Variants in GCSAM observed in about 807,000 individuals in gnomAD.
GCSAM encodes germinal center-associated signaling and motility protein.
Under a neutral mutation model 17.6 loss-of-function variants are expected in GCSAM, and 8 were observed. The observed-to-expected ratio is 0.46, with a 90% CI of 0.27 to 0.82. GCSAM has a LOEUF of 0.82. Among genes scored for constraint, GCSAM ranks in the 40% least tolerant of loss-of-function variants. GCSAM has a pLI of 0.15. For synonymous variants in GCSAM, 68 were observed against 69.0 expected (o/e 0.98, Z 0.07); for missense variants, 192 against 213.5 (o/e 0.90, Z 0.63).
chr3:112,125,879 A>G (rs1431129868), intron 4 of GCSAM, among the ~76,000 whole-genome samples: 2 of 152,240 alleles, frequency 1.3e-5, no homozygotes, highest in African/African-American at 4.8e-5. Context: ...AGTTAAAACC[A>G]AATGGCTCTG....
At chr3:112,130,167 G>A (rs1433126739) in intron 2 of GCSAM, 1 of 400,358 alleles carries the variant, frequency 2.5e-6, no homozygotes, top group Non-Finnish European at 4.6e-6. Flanking sequence ...ATGACAACAG[G>A]AAATAAGACC....
At position 112,128,046 on chromosome 3, in the gene GCSAM, A is replaced by G; in HGVS notation, c.114T>C (p.His38=). Residue 38 remains histidine, a synonymous_variant, in exon 3 of 6, where the codon CAT becomes CAC. Coordinates refer to ENST00000308910, the MANE Select transcript of GCSAM (RefSeq NM_152785.5). ...GAAGGCAGAAACACCCTTCAGCGATATGGTGATCCCAGCATCTAAAATACC... is the reference window on the plus strand; with the variant it reads ...GAAGGCAGAAACACCCTTCAGCGATGTGGTGATCCCAGCATCTAAAATACC... The part of the protein sequence containing the change: ...KQRTSRCWDH[H]IAEGCFCLPW... The G allele has an allele frequency of 6.2e-7, 1 of 1,613,868 alleles. No homozygotes were observed.
rs772237115 is a variant in GCSAM at position 112,123,254 on chromosome 3, T to C, written c.*201A>G. On this transcript the variant is annotated 3_prime_UTR_variant, in exon 6 of 6. Coordinates refer to ENST00000308910, the MANE Select transcript of GCSAM (RefSeq NM_152785.5). ...TGGTTACCTCTTTCTCAAATGGTGTTGTTCAGGATAAATGGTTGATCTTTA... is the reference window on the plus strand; with the variant it reads ...TGGTTACCTCTTTCTCAAATGGTGTCGTTCAGGATAAATGGTTGATCTTTA... 3.2e-6 allele frequency: 3 copies of C among 933,378 alleles called. No homozygotes were observed. Among genetic ancestry groups the C allele is most frequent in the Non-Finnish European group, 4.7e-6 (3 of 644,992 alleles). 57.8% of individuals were successfully genotyped at this position (933,378 alleles called of 1,614,324 possible).
intron 2 of GCSAM, chr3:112,128,742 T>C (rs1223667952): frequency 6.2e-6 from 1 of 160,886 alleles, no homozygotes; most frequent in African/African-American, 2.4e-5. Flanking sequence ...TAACAGGACT[T>C]CTCTCTCTTA....
intron 1 of GCSAM, 39 bp downstream of exon 1, chr3:112,133,053 C>T (rs746990706): frequency 4.4e-6 from 7 of 1,601,622 alleles, no homozygotes; most frequent in African/African-American, 4.0e-5. Context: ...ATTGTCCTGT[C>T]CCATCTCCTC....
At chr3:112,127,598 T>C (rs1057338896) in intron 3 of GCSAM, among the ~76,000 whole-genome samples, 9 of 152,228 alleles carry the variant, frequency 5.9e-5, no homozygotes, top group Admixed American at 3.9e-4. Flanking sequence ...ATCAATCACT[T>C]AGCGAGCTTT....
intron 2 of GCSAM, chr3:112,129,750 A>T (rs2074408497): frequency 1.3e-5 from 2 of 152,218 alleles, no homozygotes; most frequent in East Asian, 1.9e-4. Context: ...TAACGCGGGC[A>T]TTGGTGTTAG....
rs1241291218 is a variant in GCSAM at position 112,133,236 on chromosome 3, G to A, written c.-116C>T. On this transcript the variant is annotated 5_prime_UTR_variant, in exon 1 of 6. Transcript: ENST00000308910. ...GGGCTGTGTGGCTCTGGCCACCCGT[G>A]CAGAGACAGCAGAAAGGAGAAGGGT... 38 of 1,037,710 alleles carry A rather than the reference G, an allele frequency of 3.7e-5. No homozygotes were observed. The highest frequency in any genetic ancestry group is 5.1e-5 in the Non-Finnish European group (34 of 669,036). 64.3% of individuals were successfully genotyped at this position (1,037,710 alleles called of 1,614,324 possible).
Position 112,133,191 on chromosome 3 carries a change from C to T in GCSAM, c.-71G>A. ...CTTCTTGCCTTGTGCTCTGACAGGGCAACTCCTGACTTAAAGAAAGGGCTG... is the reference window on the plus strand; with the variant it reads ...CTTCTTGCCTTGTGCTCTGACAGGGTAACTCCTGACTTAAAGAAAGGGCTG... On this transcript the variant is annotated 5_prime_UTR_variant, in exon 1 of 6. Coordinates refer to ENST00000308910, the MANE Select transcript of GCSAM (RefSeq NM_152785.5). 6.5e-7 allele frequency: 1 copy of T among 1,538,284 alleles called. No individual in the cohort carries two copies. The highest frequency in any genetic ancestry group is 9.0e-7 in the Non-Finnish European group (1 of 1,111,676).
chr3:112,130,760 TA>T (rs2074434129), intron 1 of GCSAM: 4 of 526,006 alleles, frequency 7.6e-6, no homozygotes, highest in Non-Finnish European at 1.4e-5. Flanking sequence ...CAAGTGATCC[TA>T]AATCATCTGA....
In GCSAM at chr3:112,131,412, G is replaced by A. The variant is rs537310132; in HGVS notation, c.30-899C>T. Among the ~76,000 whole-genome samples the A allele has an allele frequency of 6.6e-5, 10 of 152,282 alleles. No homozygotes were observed. The South Asian group carries it at 1.0e-3, about 16-fold the overall frequency. On this transcript the variant is annotated intron_variant, in intron 1 of 5. Coordinates refer to ENST00000308910, the MANE Select transcript of GCSAM (RefSeq NM_152785.5). ...GGTATGCTGACTAGATGATAACTGG[G>A]TGTTGGGGTGACAATGAAAATTAGA...
At position 112,123,728 on chromosome 3, in the gene GCSAM, G is replaced by A. The variant is rs1428705416; in HGVS notation, c.264C>T (p.Leu88=). ...QTYSEELCYT[L]INHRVLCTRP... ...TTGTACAGAGAACCCGATGATTGAT[G>A]AGGGTATAGCACAGCTCCTCTGAGT... The change falls in exon 6 of 6, where the codon CTC becomes CTT. Residue 88 remains leucine (L), a synonymous_variant. Transcript: ENST00000308910. 3.1e-6 allele frequency: 5 copies of A among 1,613,900 alleles called. No individual in the cohort carries two copies. In the Admixed American group the frequency reaches 5.0e-5, roughly 16 times the overall value.
Position 112,123,782 on chromosome 3 carries a change from AAAG to A in GCSAM, c.220-13_220-11del, listed in dbSNP as rs768046534. ...TCTGGTCAACATTGTCCTGCTTGTC[AAAG>A]AAGAACCATCATCAAGATTTGGTCT... On this transcript the variant is annotated splice_polypyrimidine_tract_variant and intron_variant, in intron 5 of 5. Transcript: ENST00000308910. 1.9e-6 allele frequency: 3 copies of A among 1,602,838 alleles called. No homozygotes were observed. Among genetic ancestry groups the A allele is most frequent in the African/African-American group, 1.3e-5 (1 of 74,594 alleles).
chr3:112,133,065 G>A (rs2074496787), intron 1 of GCSAM, 27 bp downstream of exon 1: 1 of 1,610,232 alleles, frequency 6.2e-7, no homozygotes, highest in South Asian at 1.1e-5. Context: ...CATCTCCTCT[G>A]CTCTCCCACA....
At chr3:112,127,871 G>T in intron 3 of GCSAM, 146 bp downstream of exon 3, 1 of 657,468 alleles carries the variant, frequency 1.5e-6, no homozygotes, top group Admixed American at 2.5e-5. Flanking sequence ...TGGAAGGATT[G>T]CTTCCCTGAT....
In GCSAM at chr3:112,123,725, G is replaced by C; in HGVS notation, c.267C>G (p.Ile89Met). Residue 89 changes from isoleucine (I) to methionine (M), a missense_variant, in exon 6 of 6, where the codon ATC becomes ATG. Physicochemically the swap from Ile to Met is conservative, Grantham distance 10. Transcript: ENST00000308910. ...TYSEELCYTL[I>M]NHRVLCTRPS... ...GCCTTGTACAGAGAACCCGATGATT[G>C]ATGAGGGTATAGCACAGCTCCTCTG... 6.2e-7 allele frequency: 1 copy of C among 1,613,910 alleles called. No homozygotes were observed. Among genetic ancestry groups the C allele is most frequent in the Non-Finnish European group, 8.5e-7 (1 of 1,179,798 alleles).
chr3:112,127,233 T>TCTCTCTCTCCTC (rs1304160693), intron 3 of GCSAM, among the ~76,000 whole-genome samples, 200 bp from the exon 4 acceptor site: 2 of 152,200 alleles, frequency 1.3e-5, no homozygotes, highest in Non-Finnish European at 2.9e-5. Context: ...TGTGCCTCTT[T>TCTCTCTCTCCTC]CTCTCTCTCC....
intron 5 of GCSAM, among the ~76,000 whole-genome samples, chr3:112,124,932 AG>A (rs936425926): frequency 2.0e-5 from 3 of 152,200 alleles, no homozygotes; most frequent in Non-Finnish European, 2.9e-5. Context: ...GCAATATTCA[AG>A]GGTTGTCGTT....
chr3:112,127,924 C>G, intron 3 of GCSAM, 93 bp downstream of exon 3: 1 of 1,029,430 alleles, frequency 9.7e-7, no homozygotes, highest in Non-Finnish European at 1.5e-6. Context: ...CAGGCTTCCA[C>G]TGTGGCCACA....
Sources: allele counts gnomAD v4.1 joint callset (sites outside exome capture counted in the v4.1 genomes callset), GRCh38; gene constraint gnomAD v4.1.1; transcripts MANE v1.5; gene names NCBI Gene and HGNC (gene_info 2026-07-23, HGNC 2026-07-21).